PRKG1: variants seen among roughly 807,000 people sequenced by gnomAD.
The protein encoded by PRKG1 is protein kinase cGMP-dependent 1.
PRKG1 carries 35 observed loss-of-function variants against 88.1 expected under a neutral mutation model. The ratio of observed to expected loss-of-function variants is 0.40; its 90% CI spans 0.30 to 0.53. The LOEUF is 0.53. PRKG1 is among the 20% of genes least tolerant of loss of function. The probability of loss-of-function intolerance (pLI) is 0.59; values close to 1 mark genes in which losing one functional copy is unlikely to be tolerated. For synonymous variants in PRKG1, 303 were observed against 292.5 expected (o/e 1.04, Z -0.37); for missense variants, 540 against 839.8 (o/e 0.64, Z 4.41).
intron 7 of PRKG1, among the ~76,000 whole-genome samples, chr10:52,127,844 A>G (rs185951448): frequency 1.6e-4 from 24 of 152,282 alleles, no homozygotes; most frequent in Non-Finnish European, 2.9e-4. Flanking sequence ...TCATGGTGGA[A>G]GAGCTTCAGG....
At chr10:51,956,352 A>G (rs1025030090) in intron 5 of PRKG1, among the ~76,000 whole-genome samples, 2 of 151,660 alleles carry the variant, frequency 1.3e-5, no homozygotes, top group African/African-American at 4.8e-5. Context: ...TATTAATTAT[A>G]TATTAATAAA....
At position 52,230,984 on chromosome 10, in the gene PRKG1, G is replaced by T. The variant is rs146714837; in HGVS notation, c.1077-20586G>T. ...ACTGATTATCTAATTTTTTAATGGG[G>T]CAAGAGAAATCTATGTGGTCATTAG... On this transcript the variant is annotated intron_variant, in intron 9 of 17. Transcript: ENST00000373980. 5.5e-4 allele frequency: 84 copies of T among 152,260 alleles called. 1 individual carries two copies. Among genetic ancestry groups the T allele is most frequent in the African/African-American group, 1.9e-3 (79 of 41,550 alleles). The allele number at this position is 152,260 out of a possible 1,614,324, so 9.4% of individuals were successfully genotyped here. A position where few individuals can be genotyped will look rare whatever the true frequency, so the allele number is the denominator to read the frequency against.
At chr10:51,859,192 T>A (rs1053809540) in intron 4 of PRKG1, among the ~76,000 whole-genome samples, 3 of 152,228 alleles carry the variant, frequency 2.0e-5, no homozygotes, top group Non-Finnish European at 4.4e-5. Flanking sequence ...TTTACACAGA[T>A]GTTCGGAAGC....
At chr10:51,505,231 A>G (rs1433704986) in intron 3 of PRKG1, among the ~76,000 whole-genome samples, 2 of 152,116 alleles carry the variant, frequency 1.3e-5, no homozygotes, top group East Asian at 3.9e-4. Flanking sequence ...TGAGATAATC[A>G]TGTGGTTTTG....
At chr10:51,438,929 C>T (rs1839013312) in intron 2 of PRKG1, among the ~76,000 whole-genome samples, 1 of 151,222 alleles carries the variant, frequency 6.6e-6, no homozygotes, top group African/African-American at 2.4e-5. Flanking sequence ...GGGAAATATC[C>T]AGATTGCAGT....
At chr10:51,577,683 A>G (rs1837922881) in intron 3 of PRKG1, among the ~76,000 whole-genome samples, 1 of 152,084 alleles carries the variant, frequency 6.6e-6, no homozygotes, top group South Asian at 2.1e-4. Flanking sequence ...AAGTTACACC[A>G]TCCTATAAAC....
chr10:51,374,093 A>AAAAAAATATATATATATATATAT lies in PRKG1; in HGVS notation c.479-93629_479-93628insAAAAATATATATATATATATATA. Among the ~76,000 whole-genome samples the AAAAAAATATATATATATATATAT allele has an allele frequency of 4.4e-4, 44 of 100,158 alleles. 1 individual carries two copies. The highest frequency in any genetic ancestry group is 8.8e-4 in the African/African-American group (26 of 29,638). 65.7% of individuals were successfully genotyped at this position (100,158 alleles called of 152,430 possible). On this transcript the variant is annotated intron_variant, in intron 2 of 17. Transcript: ENST00000373980. ...GCTGGCAGAGGTTGCAAAAAAAAAA[A>AAAAAAATATATATATATATATAT]ATATATATATATATATATATGTACT...
chr10:51,403,939 A>G (rs1281974434), intron 2 of PRKG1, among the ~76,000 whole-genome samples: 2 of 152,214 alleles, frequency 1.3e-5, no homozygotes, highest in African/African-American at 4.8e-5. Flanking sequence ...AGGTAGTAAC[A>G]AAGCCATTTG....
chr10:51,030,253 CAGAGA>C (rs1471498899), intron 1 of PRKG1, among the ~76,000 whole-genome samples: 31 of 151,748 alleles, frequency 2.0e-4, no homozygotes, highest in African/African-American at 7.2e-4. Context: ...TTATAACTGT[CAGAGA>C]AAAGTTCTTC....
intron 1 of PRKG1, among the ~76,000 whole-genome samples, chr10:51,036,802 G>A (rs1057216042): frequency 3.3e-4 from 50 of 152,126 alleles, no homozygotes; most frequent in African/African-American, 1.1e-3. Flanking sequence ...ATATTAATGG[G>A]GAAGGGAAGG....
chr10:52,168,466 A>G (rs905912139), intron 9 of PRKG1, among the ~76,000 whole-genome samples: 1 of 152,196 alleles, frequency 6.6e-6, no homozygotes, highest in African/African-American at 2.4e-5. Flanking sequence ...AGAGAGAAGG[A>G]GATCAGAAAG....
At chr10:51,710,164 T>C (rs1841708138) in intron 3 of PRKG1, among the ~76,000 whole-genome samples, 3 of 152,140 alleles carry the variant, frequency 2.0e-5, no homozygotes, top group Non-Finnish European at 4.4e-5. Context: ...GGATTTATGG[T>C]GCTCAGATTT....
At chr10:51,291,491 C>T (rs1840581789) in intron 2 of PRKG1, among the ~76,000 whole-genome samples, 1 of 152,154 alleles carries the variant, frequency 6.6e-6, no homozygotes, top group African/African-American at 2.4e-5. Flanking sequence ...TGTCTCTCTT[C>T]AGCATCAAAC....
At chr10:52,161,406 T>G (rs1170607884) in intron 8 of PRKG1, among the ~76,000 whole-genome samples, 2 of 152,082 alleles carry the variant, frequency 1.3e-5, no homozygotes, top group African/African-American at 4.8e-5. Context: ...GTTTACTATT[T>G]TGTTAAGTGG....
At chr10:51,827,849 T>C (rs1199553129) in intron 4 of PRKG1, among the ~76,000 whole-genome samples, 3 of 152,140 alleles carry the variant, frequency 2.0e-5, no homozygotes, top group Non-Finnish European at 4.4e-5. Context: ...GATTATATTA[T>C]CACTTAACCA....
At chr10:51,363,694 C>A (rs576444636) in intron 2 of PRKG1, among the ~76,000 whole-genome samples, 1 of 151,772 alleles carries the variant, frequency 6.6e-6, no homozygotes, top group African/African-American at 2.4e-5. Context: ...TGGTAGGAGT[C>A]GTGAGTCTTT....
intron 4 of PRKG1, among the ~76,000 whole-genome samples, chr10:51,827,186 A>C (rs1365582784): frequency 6.6e-6 from 1 of 152,156 alleles, no homozygotes; most frequent in Admixed American, 6.6e-5. Flanking sequence ...CTAAATATTC[A>C]ATTTCTTGAT....
chr10:51,244,092 T>C (rs559356158), intron 2 of PRKG1, among the ~76,000 whole-genome samples: 37 of 152,236 alleles, frequency 2.4e-4, no homozygotes, highest in South Asian at 6.2e-4. Context: ...TTTTTCTTAT[T>C]TGAGCACATA....
intron 1 of PRKG1, among the ~76,000 whole-genome samples, chr10:51,139,424 C>T (rs898483230): frequency 6.6e-6 from 1 of 152,122 alleles, no homozygotes; most frequent in African/African-American, 2.4e-5. Context: ...TGAAATGCTT[C>T]CCTCTCACCA....
Sources: gnomAD v4.1 joint callset for allele counts (sites outside exome capture counted in the v4.1 genomes callset) on GRCh38, gnomAD v4.1.1 for gene constraint, MANE v1.5 for transcripts, NCBI Gene and HGNC (gene_info 2026-07-23, HGNC 2026-07-21) for gene names.